NEMP2: variants seen among roughly 807,000 people sequenced by gnomAD.
NEMP2 encodes the protein UPF0571 transmembrane protein.
Under a neutral mutation model 54.2 loss-of-function variants are expected in NEMP2, and 53 were observed. The observed-to-expected ratio is 0.98, with a 90% CI of 0.78 to 1.23. NEMP2 has a LOEUF of 1.23. Among genes scored for constraint, NEMP2 ranks in the 50% most tolerant of loss-of-function variants. The pLI is 0.00. For missense variants in NEMP2, 455 were observed against 511.3 expected, an observed-to-expected ratio of 0.89 and a Z score of 1.06; for synonymous variants, 197 against 190.3, an observed-to-expected ratio of 1.04 and a Z score of -0.29.
chr2:190,607,552 T>G, the NEMP2 span: 1 of 152,160 alleles, frequency 6.6e-6, no homozygotes, highest in East Asian at 1.9e-4. This position sits in a 1 kb window ranked among gnomAD's most constrained non-coding sequence, Gnocchi z 5.2. Flanking sequence ...CAACCCAGAT[T>G]TGGCTGCCAA....
chr2:190,605,361 TTTTA>T, the NEMP2 span, among the ~76,000 whole-genome samples: 12,452 of 150,692 alleles, frequency 0.083, 620 homozygotes, highest in African/African-American at 0.12. Context: ...TTTTTTTAAT[TTTTA>T]TTTATTTATT....
chr2:190,485,546 A>G, the NEMP2 span, among the ~76,000 whole-genome samples: 1 of 152,164 alleles, frequency 6.6e-6, no homozygotes, highest in Admixed American at 6.5e-5. The surrounding 1 kb of genome is among the most constrained non-coding windows in gnomAD (Gnocchi z 5.1). Context: ...TTAATGAAAA[A>G]AAATCTGCAT....
chr2:190,475,474 G>C, the NEMP2 span, among the ~76,000 whole-genome samples: 6 of 152,138 alleles, frequency 3.9e-5, no homozygotes, highest in East Asian at 5.8e-4. Flanking sequence ...GCTTCAAAGA[G>C]AATAAAATAC....
At chr2:190,428,654 C>CAT in the NEMP2 span, among the ~76,000 whole-genome samples, 1 of 108,330 alleles carries the variant, frequency 9.2e-6, no homozygotes, top group Non-Finnish European at 1.8e-5. Context: ...GAGATGCTTG[C>CAT]TTATTTATTT....
At chr2:190,565,169 T>A in the NEMP2 span, among the ~76,000 whole-genome samples, 1 of 151,964 alleles carries the variant, frequency 6.6e-6, no homozygotes, top group African/African-American at 2.4e-5. Flanking sequence ...ATTTTTTTTT[T>A]AATCAAGAGA....
the NEMP2 span, among the ~76,000 whole-genome samples, chr2:190,483,143 C>T: frequency 4.0e-5 from 6 of 151,698 alleles, no homozygotes; most frequent in Admixed American, 1.3e-4. Context: ...CCACCCGCCT[C>T]GGCCTCCCAA....
chr2:190,577,581 T>C, the NEMP2 span, among the ~76,000 whole-genome samples: 2 of 152,142 alleles, frequency 1.3e-5, no homozygotes, highest in Non-Finnish European at 2.9e-5. The surrounding 1 kb of genome is among the most constrained non-coding windows in gnomAD (Gnocchi z 4.8). Flanking sequence ...GGATCACTTT[T>C]AAACCCTAGT....
the NEMP2 span, among the ~76,000 whole-genome samples, chr2:190,638,873 T>C: frequency 2.0e-5 from 3 of 152,146 alleles, no homozygotes. This position sits in a 1 kb window ranked among gnomAD's most constrained non-coding sequence, Gnocchi z 5.7. Context: ...CTGGACCAGT[T>C]TGGCACCTGG....
chr2:190,510,387 G>A lies in NEMP2; in HGVS notation c.1104C>T (p.Val368=), dbSNP rs375242426. Residue 368 remains valine, a synonymous_variant, in exon 8 of 9, where the codon GTC becomes GTT. Coordinates refer to ENST00000409150, the MANE Select transcript of NEMP2 (RefSeq NM_001142645.2). This position sits in a 1 kb window ranked among gnomAD's most constrained non-coding sequence, Gnocchi z 5.7. ...CRKPDFPSWL[V]VSRLHTPSKF... ...TGCTAGGAGTGTGGAGTCTGGAGAC[G>A]ACCAGCCATGAGGGAAAGTCGGGTT... 1.9e-5 allele frequency: 29 copies of A among 1,551,682 alleles called. No individual in the cohort carries two copies. The highest frequency in any genetic ancestry group is 5.9e-5 in the South Asian group (5 of 84,034).
chr2:190,456,791 G>T, the NEMP2 span, among the ~76,000 whole-genome samples: 1 of 152,212 alleles, frequency 6.6e-6, no homozygotes, highest in Non-Finnish European at 1.5e-5. This position sits in a 1 kb window ranked among gnomAD's most constrained non-coding sequence, Gnocchi z 5.4. Context: ...GATACCTGCA[G>T]TTTCTGTGGC....
intron 5 of NEMP2, among the ~76,000 whole-genome samples, chr2:190,517,090 CAAAAAAAAAAAA>C (rs56324449): frequency 1.1e-5 from 1 of 89,402 alleles, no homozygotes; most frequent in Non-Finnish European, 2.1e-5. Context: ...GACTGTGTCT[CAAAAAAAAAAAA>C]AAAAAAAAAG....
the NEMP2 span, among the ~76,000 whole-genome samples, chr2:190,542,954 T>C: frequency 6.6e-6 from 1 of 152,224 alleles, no homozygotes; most frequent in Non-Finnish European, 1.5e-5. This position sits in a 1 kb window ranked among gnomAD's most constrained non-coding sequence, Gnocchi z 4.6. Flanking sequence ...TGAATCTATA[T>C]CTATGTCTTT....
intron 3 of NEMP2, 63 bp from the exon 4 acceptor site, chr2:190,518,871 A>G: frequency 6.6e-7 from 1 of 1,516,106 alleles, no homozygotes; most frequent in Non-Finnish European, 8.9e-7. Flanking sequence ...TGTTGGTAAA[A>G]GAAGAAAAAA....
At chr2:190,578,786 A>T in the NEMP2 span, among the ~76,000 whole-genome samples, 1 of 151,862 alleles carries the variant, frequency 6.6e-6, no homozygotes, top group Non-Finnish European at 1.5e-5. The surrounding 1 kb of genome is among the most constrained non-coding windows in gnomAD (Gnocchi z 4.4). Context: ...GGGAAAAAAA[A>T]AGCGGAGGGA....
chr2:190,510,283 T>A lies in NEMP2; in HGVS notation c.1130+78A>T. ...GAAACAGTCTATTTCTACCCTGAAG[T>A]GCCTGTACCAAACCATCATATTATT... is the stretch of plus-strand genomic sequence containing the variant. On this transcript the variant is annotated intron_variant, in intron 8 of 8. Coordinates refer to ENST00000409150, the MANE Select transcript of NEMP2 (RefSeq NM_001142645.2). The surrounding 1 kb of genome is among the most constrained non-coding windows in gnomAD (Gnocchi z 5.7). 1 of 1,483,600 alleles carries A rather than the reference T, an allele frequency of 6.7e-7. No homozygotes were observed. Among genetic ancestry groups the A allele is most frequent in the South Asian group, 1.3e-5 (1 of 78,934 alleles). 91.9% of individuals were successfully genotyped at this position (1,483,600 alleles called of 1,614,324 possible).
chr2:190,583,149 C>G, the NEMP2 span, among the ~76,000 whole-genome samples: 1 of 151,664 alleles, frequency 6.6e-6, no homozygotes, highest in African/African-American at 2.4e-5. Flanking sequence ...GGAGCTTGAA[C>G]TGAAATGCAG....
the NEMP2 span, among the ~76,000 whole-genome samples, chr2:190,477,684 A>C: frequency 4.9e-3 from 743 of 152,386 alleles, 5 homozygotes; most frequent in African/African-American, 0.017. Flanking sequence ...ATATTAACTC[A>C]GGCCACAAGG....
the NEMP2 span, among the ~76,000 whole-genome samples, chr2:190,476,815 C>T: frequency 6.6e-5 from 10 of 152,076 alleles, no homozygotes; most frequent in Admixed American, 4.6e-4. Context: ...ATATGTCCAA[C>T]AGTGATAGAC....
chr2:190,444,797 C>A, the NEMP2 span: 6 of 485,208 alleles, frequency 1.2e-5, no homozygotes, highest in Non-Finnish European at 1.6e-5. Flanking sequence ...CTAAAACCAT[C>A]CTCCATTTCA....
Sources: gnomAD v4.1 joint callset for allele counts (sites outside exome capture counted in the v4.1 genomes callset) on GRCh38, gnomAD v4.1.1 for gene constraint, Gnocchi (gnomAD v3.1) non-coding constraint, MANE v1.5 for transcripts, NCBI Gene and HGNC (gene_info 2026-07-23, HGNC 2026-07-21) for gene names.